Variants in ASS1 observed in about 807,000 individuals in gnomAD.
The protein encoded by ASS1 is argininosuccinate synthase 1.
In ASS1, 58 loss-of-function variants were observed where a neutral mutation model predicts 60.5. The ratio of observed to expected loss-of-function variants is 0.96; its 90% CI spans 0.78 to 1.19. The LOEUF (loss-of-function observed/expected upper bound fraction) is 1.19. Ranked by LOEUF, ASS1 falls within the 50% of genes most tolerant of loss-of-function variation. ASS1 has a pLI of 0.00. For missense variants in ASS1, 454 were observed against 547.3 expected (o/e 0.83, Z 1.70); for synonymous variants, 200 against 206.9 (o/e 0.97, Z 0.29).
At chr9:130,469,747 A>G (rs541306728) in intron 6 of ASS1, among the ~76,000 whole-genome samples, 3 of 152,308 alleles carry the variant, frequency 2.0e-5, no homozygotes, top group South Asian at 4.1e-4. Flanking sequence ...TTTAATGTTA[A>G]GGTGGTGATG....
rs1211267848 is a variant in ASS1 at position 130,475,700 on chromosome 9, C to CA, written c.598-1170dup. Among the ~76,000 whole-genome samples, 13 of 150,016 alleles carry CA rather than the reference C, an allele frequency of 8.7e-5. 1 individual carries two copies. Among genetic ancestry groups the CA allele is most frequent in the Middle Eastern group, 3.4e-3 (1 of 290 alleles). On this transcript the variant is annotated intron_variant, in intron 8 of 14. Coordinates refer to ENST00000352480, the MANE Select transcript of ASS1 (RefSeq NM_054012.4). ...TTACCAAATGGGGCTGCTGAGAACT[C>CA]AGACTGCAGATGGGAAGCAATACGT... is the stretch of plus-strand genomic sequence containing the variant.
chr9:130,450,876 C>T (rs974590540), intron 1 of ASS1, among the ~76,000 whole-genome samples: 1 of 152,216 alleles, frequency 6.6e-6, no homozygotes, highest in Non-Finnish European at 1.5e-5. Flanking sequence ...GACCTTGTGA[C>T]GTTGGTCAGA....
intron 2 of ASS1, among the ~76,000 whole-genome samples, chr9:130,453,720 G>A (rs1040476980): frequency 3.3e-5 from 5 of 152,220 alleles, no homozygotes; most frequent in Non-Finnish European, 7.3e-5. Context: ...GCCAGGATCT[G>A]GGCAGCAGGC....
At chr9:130,475,198 T>G (rs915938071) in intron 8 of ASS1, among the ~76,000 whole-genome samples, 1 of 152,190 alleles carries the variant, frequency 6.6e-6, no homozygotes, top group Non-Finnish European at 1.5e-5. Flanking sequence ...AAGGCACTTA[T>G]GTAGCCCCAT....
chr9:130,471,385 G>A (rs533045088), intron 7 of ASS1, 100 bp from the exon 8 acceptor site: 7 of 1,462,118 alleles, frequency 4.8e-6, no homozygotes, highest in African/African-American at 4.2e-5. Context: ...AGAGTAAAAG[G>A]CAGACCAGGC....
intron 3 of ASS1, among the ~76,000 whole-genome samples, chr9:130,457,095 A>G (rs931533155): frequency 6.6e-6 from 1 of 152,228 alleles, no homozygotes; most frequent in Non-Finnish European, 1.5e-5. Context: ...TTTAGTTAAG[A>G]ATCTTATTGG....
At chr9:130,468,594 T>C (rs941196439) in intron 6 of ASS1, among the ~76,000 whole-genome samples, 4 of 151,922 alleles carry the variant, frequency 2.6e-5, no homozygotes, top group African/African-American at 7.3e-5. Flanking sequence ...GTTTTTCATA[T>C]ATTTATTTAT....
intron 7 of ASS1, 52 bp from the exon 8 acceptor site, chr9:130,471,433 G>T (rs376351776): frequency 1.9e-6 from 3 of 1,602,496 alleles, no homozygotes; most frequent in Non-Finnish European, 2.6e-6. Context: ...GGGGGATGGG[G>T]ACATGCCATG....
intron 1 of ASS1, among the ~76,000 whole-genome samples, chr9:130,447,274 C>T (rs903659883): frequency 6.6e-6 from 1 of 152,198 alleles, no homozygotes; most frequent in African/African-American, 2.4e-5. Flanking sequence ...GGTTTGAAGC[C>T]GCTAGCTTGT....
At chr9:130,465,358 A>G (rs1381840847) in intron 5 of ASS1, among the ~76,000 whole-genome samples, 1 of 152,252 alleles carries the variant, frequency 6.6e-6, no homozygotes, top group Non-Finnish European at 1.5e-5. Flanking sequence ...GAAACAAGTG[A>G]CATGATTTTA....
At chr9:130,464,768 C>T (rs920161893) in intron 5 of ASS1, among the ~76,000 whole-genome samples, 2 of 152,174 alleles carry the variant, frequency 1.3e-5, no homozygotes, top group African/African-American at 4.8e-5. Context: ...ACCATCCCCA[C>T]CCCTCCAGCT....
rs1169572413 is a variant in ASS1, at chr9:130,459,785, T to TG, written c.363+1200dup. Among the ~76,000 whole-genome samples the TG allele has an allele frequency of 1.3e-5, 2 of 152,198 alleles. No individual in the cohort carries two copies. Among genetic ancestry groups the TG allele is most frequent in the African/African-American group, 4.8e-5 (2 of 41,456 alleles). ...CACATGAGGCCACATTCGGAGGGAC[T>TG]GGGGTTAGGACTTGAACCCATTATT... On this transcript the variant is annotated intron_variant, in intron 4 of 14. Coordinates refer to ENST00000352480, the MANE Select transcript of ASS1 (RefSeq NM_054012.4). The surrounding 1 kb of genome is among the most constrained non-coding windows in gnomAD (Gnocchi z 4.6).
intron 1 of ASS1, 153 bp downstream of exon 1, chr9:130,445,148 G>A: frequency 1.0e-6 from 1 of 985,424 alleles, no homozygotes; most frequent in Non-Finnish European, 1.2e-6. Context: ...CTGGGACCGA[G>A]GCAGGAGGGA....
intron 8 of ASS1, among the ~76,000 whole-genome samples, chr9:130,474,269 T>G (rs924504518): frequency 6.6e-6 from 1 of 152,150 alleles, no homozygotes; most frequent in Non-Finnish European, 1.5e-5. Context: ...TAATCGGCGC[T>G]GTCAGGTGCC....
intron 14 of ASS1, among the ~76,000 whole-genome samples, 162 bp downstream of exon 14, chr9:130,499,732 C>T (rs1033210451): frequency 6.6e-6 from 1 of 152,152 alleles, no homozygotes. Flanking sequence ...GTCCATCTGC[C>T]CATAGCATCC....
intron 3 of ASS1, among the ~76,000 whole-genome samples, chr9:130,455,244 A>C (rs912139817): frequency 6.7e-6 from 1 of 149,648 alleles, no homozygotes; most frequent in Admixed American, 6.6e-5. Flanking sequence ...TCATCCATCC[A>C]TTCATCCATC....
At chr9:130,454,762 A>C (rs991941297) in intron 3 of ASS1, among the ~76,000 whole-genome samples, 2 of 142,828 alleles carry the variant, frequency 1.4e-5, no homozygotes, top group Non-Finnish European at 3.0e-5. Context: ...CCATCCATCC[A>C]TCACCCACCC....
intron 1 of ASS1, among the ~76,000 whole-genome samples, chr9:130,448,422 G>GCACACACACACACACACACACACACACA (rs3085579): frequency 2.1e-5 from 3 of 143,386 alleles, no homozygotes; most frequent in African/African-American, 8.2e-5. Context: ...GTGTGCGCGC[G>GCACACACACACACACACACACACACACA]CACACACACA....
chr9:130,453,805 C>G (rs1445962727), intron 2 of ASS1, among the ~76,000 whole-genome samples: 2 of 152,208 alleles, frequency 1.3e-5, no homozygotes, highest in Non-Finnish European at 2.9e-5. Context: ...GCACTGGCCA[C>G]AGGGACGGAG....
Sources: gnomAD v4.1 joint callset for allele counts (sites outside exome capture counted in the v4.1 genomes callset) on GRCh38, gnomAD v4.1.1 for gene constraint, Gnocchi (gnomAD v3.1) non-coding constraint, MANE v1.5 for transcripts, NCBI Gene and HGNC (gene_info 2026-07-23, HGNC 2026-07-21) for gene names.